Variants in TRMT10B observed in about 807,000 individuals in gnomAD.
The protein encoded by TRMT10B is tRNA methyltransferase 10 homolog B.
A neutral mutation model predicts 43.8 loss-of-function variants in TRMT10B; 33 were observed. The ratio of observed to expected loss-of-function variants is 0.75; its 90% confidence interval spans 0.57 to 1.01. The LOEUF is 1.01. TRMT10B is among the 50% of genes least tolerant of loss of function. TRMT10B has a pLI of 0.00. For synonymous variants in TRMT10B, 137 were observed against 130.6 expected (o/e 1.05, Z -0.34); for missense variants, 362 against 369.8 (o/e 0.98, Z 0.17).
At chr9:37,761,178 C>T (rs574706388) in intron 1 of TRMT10B, among the ~76,000 whole-genome samples, 3 of 152,292 alleles carry the variant, frequency 2.0e-5, no homozygotes, top group Admixed American at 6.5e-5. Flanking sequence ...AGTACAGTAC[C>T]TTACTTACAG....
At position 37,778,228 on chromosome 9, in the gene TRMT10B, G is replaced by C. The variant is rs1406753110; in HGVS notation, c.*521G>C. On this transcript the variant is annotated 3_prime_UTR_variant, in exon 9 of 9. Transcript: ENST00000297994. ...GCTCAGATATGTTAAGTAATAAAAA[G>C]TTAATGTGGTGGGTGCAGTGGCTCA... 6.5e-6 allele frequency: 1 copy of C among 153,286 alleles called. No homozygotes were observed. The highest frequency in any genetic ancestry group is 1.4e-5 in the Non-Finnish European group (1 of 69,020). 9.5% of individuals were successfully genotyped at this position (153,286 alleles called of 1,614,324 possible).
chr9:37,758,672 C>T (rs1484666420), intron 1 of TRMT10B, among the ~76,000 whole-genome samples: 1 of 152,084 alleles, frequency 6.6e-6, no homozygotes, highest in Admixed American at 6.6e-5. Context: ...AAGTAATAGA[C>T]TCCTGGTAAT....
intron 5 of TRMT10B, chr9:37,769,664 C>A: frequency 2.2e-5 from 7 of 317,702 alleles, no homozygotes; most frequent in Non-Finnish European, 3.6e-5. Context: ...GTGGCATGAT[C>A]TTGGCTCTCT....
intron 1 of TRMT10B, among the ~76,000 whole-genome samples, chr9:37,755,195 T>C (rs1420276048): frequency 6.6e-6 from 1 of 150,822 alleles, no homozygotes; most frequent in East Asian, 1.9e-4. Flanking sequence ...TGCGTGAACC[T>C]GGGAGGCAAA....
intron 1 of TRMT10B, among the ~76,000 whole-genome samples, chr9:37,754,692 G>C (rs575622181): frequency 6.6e-6 from 1 of 152,310 alleles, no homozygotes; most frequent in African/African-American, 2.4e-5. Flanking sequence ...CAGAACGAAT[G>C]TCATCCCCAA....
chr9:37,753,468 T>C (rs1263553096), upstream of TRMT10B, among the ~76,000 whole-genome samples: 1 of 151,974 alleles, frequency 6.6e-6, no homozygotes, highest in Non-Finnish European at 1.5e-5. Context: ...GAGAGGGAGG[T>C]CCATTCAGTC....
At position 37,768,209 on chromosome 9, in the gene TRMT10B, A is replaced by T; in HGVS notation, c.554A>T (p.Asp185Val). 2 of 1,613,138 alleles carry T rather than the reference A, an allele frequency of 1.2e-6. No homozygotes were observed. The highest frequency in any genetic ancestry group is 1.7e-6 in the Non-Finnish European group (2 of 1,179,386). Residue 185 changes from aspartate (D) to valine (V), a missense_variant, in exon 5 of 9, where the codon GAT (aspartate) becomes GTT (valine). Physicochemically the swap from Asp to Val is radical, Grantham distance 152 (BLOSUM62 -3). Transcript: ENST00000297994. ...TATGAAGAGTGTGTGAGGATGAATGATGGATTTTCTAGTTACCTGGTAAGT... is the reference window on the plus strand; with the variant it reads ...TATGAAGAGTGTGTGAGGATGAATGTTGGATTTTCTAGTTACCTGGTAAGT... ...PLYEECVRMN[D>V]GFSSYLLDIT...
Position 37,777,618 on chromosome 9 carries a change from A to G in TRMT10B, c.862A>G (p.Thr288Ala). Residue 288 changes from threonine (T) to alanine (A), a missense_variant, in exon 9 of 9, where the codon ACT (threonine) becomes GCT (alanine). Physicochemically the swap from Thr to Ala is moderately conservative, Grantham distance 58. Transcript: ENST00000297994. ...TCTAACAGTGTTTGATATCCTGTCC[A>G]CTTACTTAGAGACTCACAACTGGCC... The part of the protein sequence containing the change: ...AINQVFDILS[T>A]YLETHNWPEA... 1 of 1,613,680 alleles carries G rather than the reference A, an allele frequency of 6.2e-7. No individual in the cohort carries two copies. Among genetic ancestry groups the G allele is most frequent in the Middle Eastern group, 1.6e-4 (1 of 6,062 alleles).
rs1415755128 is a variant in TRMT10B at position 37,769,956 on chromosome 9, G to A, written c.589G>A (p.Glu197Lys). ...FSSYLLDITE[E>K]DCFSLFPLET... ...CATTTTCCAGTTAGACATAACAGAA[G>A]AAGACTGCTTTAGTTTATTTCCCTT... Residue 197 changes from glutamate to lysine, a missense_variant, in exon 6 of 9, where the codon GAA becomes AAA. Coordinates refer to ENST00000297994, the MANE Select transcript of TRMT10B (RefSeq NM_144964.4). 2.5e-6 allele frequency: 4 copies of A among 1,614,102 alleles called. No individual in the cohort carries two copies. Among genetic ancestry groups the A allele is most frequent in the Middle Eastern group, 1.6e-4 (1 of 6,062 alleles).
Position 37,769,952 on chromosome 9 carries a change from A to G in TRMT10B, c.585A>G (p.Thr195=), listed in dbSNP as rs1315779877. 6.2e-7 allele frequency: 1 copy of G among 1,614,142 alleles called. No individual in the cohort carries two copies. Among genetic ancestry groups the G allele is most frequent in the South Asian group, 1.1e-5 (1 of 91,084 alleles). The change falls in exon 6 of 9, where the codon ACA becomes ACG. Residue 195 remains threonine (T), a synonymous_variant. Coordinates refer to ENST00000297994, the MANE Select transcript of TRMT10B (RefSeq NM_144964.4). ...TTTGCATTTTCCAGTTAGACATAAC[A>G]GAAGAAGACTGCTTTAGTTTATTTC... ...DGFSSYLLDI[T]EEDCFSLFPL...
chr9:37,765,496 C>CATT (rs112646771), intron 4 of TRMT10B, among the ~76,000 whole-genome samples: 78,851 of 151,608 alleles, frequency 0.52, 20,780 homozygotes, highest in Middle Eastern at 0.58. Flanking sequence ...TCCAATCTAT[C>CATT]GTTGGTTGGT....
intron 1 of TRMT10B, among the ~76,000 whole-genome samples, chr9:37,754,335 A>G (rs544529566): frequency 1.3e-5 from 2 of 152,356 alleles, no homozygotes; most frequent in East Asian, 1.9e-4. Context: ...GTCTTAGGGA[A>G]GAGCATTGAG....
chr9:37,753,939 T>G (rs1479437475), intron 1 of TRMT10B, 87 bp downstream of exon 1: 1 of 152,314 alleles, frequency 6.6e-6, no homozygotes. Flanking sequence ...GGGGCGGACG[T>G]TGAGAAAGCA....
intron 4 of TRMT10B, 144 bp downstream of exon 4, chr9:37,763,897 T>C: frequency 6.6e-6 from 10 of 1,523,226 alleles, no homozygotes; most frequent in Non-Finnish European, 8.8e-6. Flanking sequence ...ACTGGGTTAC[T>C]AAGTTCCAAG....
chr9:37,776,207 T>C (rs1199293891), intron 7 of TRMT10B, 75 bp from the exon 8 acceptor site: 11 of 1,214,034 alleles, frequency 9.1e-6, no homozygotes, highest in Non-Finnish European at 1.1e-5. Context: ...GCTACTTATT[T>C]TTAATGCTGT....
chr9:37,767,858 G>C (rs1036183975), intron 4 of TRMT10B, among the ~76,000 whole-genome samples: 1 of 152,118 alleles, frequency 6.6e-6, no homozygotes, highest in African/African-American at 2.4e-5. Context: ...GCAGGAGGGC[G>C]AATTCCGTTT....
chr9:37,758,395 G>C (rs147841087), intron 1 of TRMT10B, among the ~76,000 whole-genome samples: 7 of 152,310 alleles, frequency 4.6e-5, no homozygotes, highest in South Asian at 2.1e-4. Flanking sequence ...CTGGGCAACA[G>C]AGTGAGACCC....
chr9:37,775,026 C>T (rs1390545128), intron 7 of TRMT10B, among the ~76,000 whole-genome samples: 10 of 152,236 alleles, frequency 6.6e-5, no homozygotes, highest in Admixed American at 1.3e-4. Flanking sequence ...GGCCATCTTA[C>T]TTGCATGGTT....
upstream of TRMT10B, among the ~76,000 whole-genome samples, chr9:37,753,385 G>A (rs188381155): frequency 1.4e-3 from 217 of 152,326 alleles, no homozygotes; most frequent in African/African-American, 4.6e-3. Flanking sequence ...TAATATCAGT[G>A]CATGTCCAAC....
Sources: allele counts gnomAD v4.1 joint callset (sites outside exome capture counted in the v4.1 genomes callset), GRCh38; gene constraint gnomAD v4.1.1; transcripts MANE v1.5; gene names NCBI Gene and HGNC (gene_info 2026-07-23, HGNC 2026-07-21).